Variants in RAPGEF4 observed in about 807,000 individuals in gnomAD.
RAPGEF4 encodes the protein RAP guanine-nucleotide-exchange factor (GEF) 4.
A neutral mutation model predicts 147.9 loss-of-function variants in RAPGEF4; 66 were observed. The observed-to-expected ratio is 0.45, with a 90% CI of 0.37 to 0.55. RAPGEF4 has a LOEUF of 0.55. RAPGEF4 is among the 20% of genes least tolerant of loss of function. The pLI, the probability that RAPGEF4 is intolerant of heterozygous loss-of-function variation, is 0.00. For synonymous variants in RAPGEF4, 419 were observed against 442.7 expected, an observed-to-expected ratio of 0.95 and a Z score of 0.67; for missense variants, 1,071 against 1,257.3, an observed-to-expected ratio of 0.85 and a Z score of 2.24.
At chr2:172,739,237 G>A (rs1056962722) in intron 1 of RAPGEF4, among the ~76,000 whole-genome samples, 2 of 151,952 alleles carry the variant, frequency 1.3e-5, no homozygotes, top group Non-Finnish European at 2.9e-5. Flanking sequence ...CTATCTCAGG[G>A]ATCTTACCAT....
At chr2:172,880,832 G>A (rs558532486) in intron 4 of RAPGEF4, among the ~76,000 whole-genome samples, 91 of 152,254 alleles carry the variant, frequency 6.0e-4, no homozygotes, top group African/African-American at 2.1e-3. Flanking sequence ...GATAGTGAAC[G>A]CAAAGCTTTA....
At chr2:172,866,136 AACCTTCATCTTCCCCTTG>A (rs1356601383) in intron 4 of RAPGEF4, among the ~76,000 whole-genome samples, 4 of 152,002 alleles carry the variant, frequency 2.6e-5, no homozygotes, top group Non-Finnish European at 5.9e-5. Context: ...GACAAAACAA[AACCTTCATCTTCCCCTTG>A]CACCCCTTTA....
chr2:172,839,677 G>A (rs191546128), intron 4 of RAPGEF4, among the ~76,000 whole-genome samples: 1 of 151,390 alleles, frequency 6.6e-6, no homozygotes, highest in East Asian at 1.9e-4. Flanking sequence ...CAGCCCGGTA[G>A]GTTTCAGCCT....
At chr2:172,784,813 G>C (rs1291629717) in intron 1 of RAPGEF4, among the ~76,000 whole-genome samples, 1 of 151,680 alleles carries the variant, frequency 6.6e-6, no homozygotes, top group African/African-American at 2.4e-5. Flanking sequence ...CTAAATGTGT[G>C]TAAAATGAGA....
At chr2:173,048,686 A>T in intron 30 of RAPGEF4, 32 bp downstream of exon 30, 1 of 1,613,920 alleles carries the variant, frequency 6.2e-7, no homozygotes, top group Non-Finnish European at 8.5e-7. Flanking sequence ...CTTACAATGT[A>T]GATGTTGGTG....
intron 6 of RAPGEF4, among the ~76,000 whole-genome samples, chr2:172,929,706 G>T (rs527598278): frequency 6.6e-6 from 1 of 152,092 alleles, no homozygotes; most frequent in South Asian, 2.1e-4. Context: ...ATCTCAGGCC[G>T]TCATATAGGA....
rs922683623 is a variant in RAPGEF4 at position 172,990,929 on chromosome 2, T to C, written c.1490+4T>C. 4 of 1,596,196 alleles carry C rather than the reference T, an allele frequency of 2.5e-6. No homozygotes were observed. The African/African-American group carries it at 5.4e-5, about 21-fold the overall frequency. Reference sequence around the variant, plus strand: ...GAAACTCACAGCCTCAGCAAAAGTATGTTTGCATCCAACACTGTAATTGCC... The same window carrying C: ...GAAACTCACAGCCTCAGCAAAAGTACGTTTGCATCCAACACTGTAATTGCC... On this transcript the variant is annotated splice_donor_region_variant and intron_variant, in intron 15 of 30. Coordinates refer to ENST00000397081, the MANE Select transcript of RAPGEF4 (RefSeq NM_007023.4).
At position 172,814,414 on chromosome 2, in the gene RAPGEF4, G is replaced by C. The variant is rs761692592; in HGVS notation, c.433G>C (p.Ala145Pro). ...CCGCATCGAGCAGAAGGACTTCAAG[G>C]CACTATGGGAGGTGAGCCCTAAGGC... is the stretch of plus-strand genomic sequence containing the variant. ...LLRIEQKDFKALWEKYRQYMA... is the reference protein window; with the variant it reads ...LLRIEQKDFKPLWEKYRQYMA... The change falls in exon 4 of 31, where the codon GCA (alanine) becomes CCA (proline). Residue 145 changes from alanine to proline, a missense_variant. Ala to Pro is a conservative substitution (Grantham distance 27). Coordinates refer to ENST00000397081, the MANE Select transcript of RAPGEF4 (RefSeq NM_007023.4). The C allele has an allele frequency of 2.5e-6, 4 of 1,614,010 alleles. No homozygotes were observed. The highest frequency in any genetic ancestry group is 2.7e-5 in the African/African-American group (2 of 74,910).
At chr2:172,791,704 C>T (rs1202013649) in intron 1 of RAPGEF4, among the ~76,000 whole-genome samples, 2 of 152,052 alleles carry the variant, frequency 1.3e-5, no homozygotes, top group Non-Finnish European at 2.9e-5. Context: ...CATTCTTCTC[C>T]CAGTTATCTC....
intron 1 of RAPGEF4, among the ~76,000 whole-genome samples, chr2:172,756,065 G>A (rs1447262673): frequency 6.6e-6 from 1 of 152,128 alleles, no homozygotes; most frequent in African/African-American, 2.4e-5. Flanking sequence ...AAAAAAATGA[G>A]CAGTGTATAT....
chr2:172,877,039 G>C (rs1353923252), intron 4 of RAPGEF4, among the ~76,000 whole-genome samples: 9 of 152,098 alleles, frequency 5.9e-5, no homozygotes, highest in African/African-American at 2.2e-4. Flanking sequence ...GCGTAGAGGT[G>C]TTTATAGTAT....
In RAPGEF4 at chr2:173,042,627, A is replaced by T. The variant is rs1263916990; in HGVS notation, c.2853+5935A>T. 6.6e-6 allele frequency among the ~76,000 whole-genome samples: 1 copy of T among 152,160 alleles called. No individual in the cohort carries two copies. Among genetic ancestry groups the T allele is most frequent in the East Asian group, 1.9e-4 (1 of 5,200 alleles). On this transcript the variant is annotated intron_variant, in intron 29 of 30. Transcript: ENST00000397081. This position sits in a 1 kb window ranked among gnomAD's most constrained non-coding sequence, Gnocchi z 4.2. Reference sequence around the variant, plus strand: ...AATAGAGTAAGACTCCAAATCAAAAAAAAAAAGGGAAAGAAAATTGGATTA... The same window carrying T: ...AATAGAGTAAGACTCCAAATCAAAATAAAAAAGGGAAAGAAAATTGGATTA...
chr2:172,771,191 G>A (rs145303727), intron 1 of RAPGEF4, among the ~76,000 whole-genome samples: 204 of 152,158 alleles, frequency 1.3e-3, no homozygotes, highest in African/African-American at 4.5e-3. Context: ...AGCTCAAGGT[G>A]CCAGCAGATT....
At chr2:172,743,178 G>T (rs867750674) in intron 1 of RAPGEF4, among the ~76,000 whole-genome samples, 1 of 152,126 alleles carries the variant, frequency 6.6e-6, no homozygotes, top group Non-Finnish European at 1.5e-5. Flanking sequence ...GTACTTTCAC[G>T]TCACAGATGA....
intron 1 of RAPGEF4, among the ~76,000 whole-genome samples, chr2:172,794,205 C>A: frequency 6.6e-6 from 1 of 151,828 alleles, no homozygotes; most frequent in East Asian, 1.9e-4. Context: ...TAGTGAAACC[C>A]CATCTCTACT....
At chr2:172,989,070 C>A (rs1039211701) in intron 14 of RAPGEF4, among the ~76,000 whole-genome samples, 1 of 152,182 alleles carries the variant, frequency 6.6e-6, no homozygotes, top group East Asian at 1.9e-4. Flanking sequence ...GGACCCAGTC[C>A]CTCTATGCAT....
chr2:172,839,420 C>T (rs911826589), intron 4 of RAPGEF4, among the ~76,000 whole-genome samples: 2 of 152,104 alleles, frequency 1.3e-5, no homozygotes, highest in South Asian at 2.1e-4. Flanking sequence ...TTATTCATGC[C>T]TTCCCTTTTT....
intron 1 of RAPGEF4, among the ~76,000 whole-genome samples, chr2:172,766,315 G>A (rs1039650868): frequency 1.3e-5 from 2 of 152,074 alleles, no homozygotes; most frequent in Non-Finnish European, 2.9e-5. Context: ...ATTTTGGGAG[G>A]CCAAGACGGG....
intron 19 of RAPGEF4, 113 bp from the exon 20 acceptor site, chr2:173,017,061 A>C (rs1695569345): frequency 9.5e-7 from 1 of 1,052,374 alleles, no homozygotes; most frequent in African/African-American, 1.6e-5. Flanking sequence ...TTGTCTCCTG[A>C]AAGGATTCTG....
Sources: allele counts gnomAD v4.1 joint callset (sites outside exome capture counted in the v4.1 genomes callset), GRCh38; gene constraint gnomAD v4.1.1; non-coding constraint Gnocchi (gnomAD v3.1); transcripts MANE v1.5; gene names NCBI Gene and HGNC (gene_info 2026-07-23, HGNC 2026-07-21).